FMN2: variants seen among roughly 807,000 people sequenced by gnomAD.
The protein encoded by FMN2 is formin 2.
In FMN2, 51 loss-of-function variants were observed where a neutral mutation model predicts 142.3. That is an observed-to-expected ratio of 0.36 (90% confidence interval 0.29 to 0.45). The LOEUF (loss-of-function observed/expected upper bound fraction) is 0.45. FMN2 is among the 20% of genes least tolerant of loss of function. The pLI, the probability that FMN2 is intolerant of heterozygous loss-of-function variation, is 1.00. For missense variants in FMN2, 1,936 were observed against 2,122.8 expected, an observed-to-expected ratio of 0.91 and a Z score of 1.73; for synonymous variants, 882 against 869.8, an observed-to-expected ratio of 1.01 and a Z score of -0.25.
intron 2 of FMN2, among the ~76,000 whole-genome samples, chr1:240,131,818 G>C (rs989006648): frequency 6.6e-6 from 1 of 152,182 alleles, no homozygotes; most frequent in Non-Finnish European, 1.5e-5. Flanking sequence ...AGAATGATGC[G>C]TAGAAAGGAG....
chr1:240,451,607 G>A (rs1676047949), intron 16 of FMN2, among the ~76,000 whole-genome samples: 1 of 152,008 alleles, frequency 6.6e-6, no homozygotes, highest in South Asian at 2.1e-4. Flanking sequence ...CCCCAACAGG[G>A]GCCTCATCCC....
chr1:240,143,199 A>G (rs891677818), intron 2 of FMN2: 9 of 1,591,272 alleles, frequency 5.7e-6, no homozygotes, highest in Non-Finnish European at 7.8e-6. Context: ...ACCACTGCCC[A>G]CCATGCCCAT....
intron 15 of FMN2, among the ~76,000 whole-genome samples, chr1:240,407,711 A>G (rs1674258843): frequency 6.6e-6 from 1 of 151,982 alleles, no homozygotes; most frequent in South Asian, 2.1e-4. Context: ...TTCAAACAGC[A>G]ATTTATTTCA....
chr1:240,335,659 C>G (rs116762749), intron 13 of FMN2, among the ~76,000 whole-genome samples: 1 of 152,286 alleles, frequency 6.6e-6, no homozygotes, highest in Non-Finnish European at 1.5e-5. Context: ...ACCCTATTAT[C>G]AGGATATCAG....
intron 14 of FMN2, among the ~76,000 whole-genome samples, chr1:240,378,902 T>A (rs1673136411): frequency 6.6e-6 from 1 of 152,216 alleles, no homozygotes; most frequent in African/African-American, 2.4e-5. Context: ...CGTATTAATA[T>A]CCTTATTTGC....
chr1:240,261,720 G>A (rs1274171856), intron 7 of FMN2, among the ~76,000 whole-genome samples: 1 of 152,152 alleles, frequency 6.6e-6, no homozygotes, highest in African/African-American at 2.4e-5. Flanking sequence ...AAGAGGTCAG[G>A]TTCCTAAGTT....
intron 15 of FMN2, among the ~76,000 whole-genome samples, chr1:240,406,113 G>C (rs944544319): frequency 1.0e-5 from 1 of 96,124 alleles, no homozygotes; most frequent in Non-Finnish European, 2.0e-5. Flanking sequence ...AGTGGGGGAA[G>C]CGAAGGGAAT....
intron 2 of FMN2, among the ~76,000 whole-genome samples, chr1:240,158,899 A>G (rs1664145689): frequency 6.6e-6 from 1 of 152,168 alleles, no homozygotes; most frequent in African/African-American, 2.4e-5. Context: ...TGTATTTATT[A>G]TTCTTTGGTA....
chr1:240,258,768 G>A (rs1480509879), intron 7 of FMN2, among the ~76,000 whole-genome samples: 1 of 152,162 alleles, frequency 6.6e-6, no homozygotes, highest in Non-Finnish European at 1.5e-5. Flanking sequence ...CTGCCCAAAG[G>A]TGAATAGAGT....
At chr1:240,160,508 A>G (rs1664234131) in intron 2 of FMN2, among the ~76,000 whole-genome samples, 1 of 149,744 alleles carries the variant, frequency 6.7e-6, no homozygotes, top group South Asian at 2.1e-4. Context: ...TATAATGTGT[A>G]TATATATAAT....
intron 2 of FMN2, among the ~76,000 whole-genome samples, chr1:240,123,927 T>C (rs1283271945): frequency 6.6e-6 from 1 of 152,238 alleles, no homozygotes; most frequent in African/African-American, 2.4e-5. Flanking sequence ...ACAGTATTTG[T>C]CCTGTTTGTG....
intron 16 of FMN2, among the ~76,000 whole-genome samples, chr1:240,455,932 G>A (rs1676225189): frequency 6.6e-6 from 1 of 151,922 alleles, no homozygotes; most frequent in African/African-American, 2.4e-5. Context: ...CCAAGATCAC[G>A]CCACTGCACT....
intron 6 of FMN2, among the ~76,000 whole-genome samples, chr1:240,213,444 C>T (rs1326604177): frequency 6.6e-6 from 1 of 152,130 alleles, no homozygotes; most frequent in African/African-American, 2.4e-5. Flanking sequence ...AAAATCACTA[C>T]AAAGTGATGG....
At position 240,151,482 on chromosome 1, in the gene FMN2, G is replaced by A. The variant is rs544590326; in HGVS notation, c.1783-26439G>A. Among the ~76,000 whole-genome samples the A allele has an allele frequency of 9.5e-4, 145 of 152,132 alleles. 2 individuals carry two copies. The South Asian group carries it at 0.013, about 14-fold the overall frequency. ...TGCTTGGTATGCGCTTTCCTGGGGC[G>A]AATTGTTCAAACCTCACCTTCAGCT... On this transcript the variant is annotated intron_variant, in intron 2 of 17. Transcript: ENST00000319653.
At chr1:240,371,492 AG>A (rs1447009418) in intron 14 of FMN2, among the ~76,000 whole-genome samples, 10 of 152,148 alleles carry the variant, frequency 6.6e-5, no homozygotes, top group Non-Finnish European at 1.5e-4. Flanking sequence ...TTTGAAGAAA[AG>A]TCAGCCAGAA....
intron 7 of FMN2, among the ~76,000 whole-genome samples, chr1:240,289,736 C>G (rs1374834689): frequency 6.6e-6 from 1 of 152,078 alleles, no homozygotes; most frequent in Non-Finnish European, 1.5e-5. Flanking sequence ...CTTAATCTGG[C>G]TATTCAAAAT....
chr1:240,122,668 G>A (rs937437586), intron 1 of FMN2, among the ~76,000 whole-genome samples: 7 of 152,122 alleles, frequency 4.6e-5, no homozygotes, highest in Middle Eastern at 3.2e-3. Flanking sequence ...AGTAGCTCTA[G>A]CTACTTGGGA....
intron 6 of FMN2, among the ~76,000 whole-genome samples, chr1:240,226,833 CA>C (rs1667322930): frequency 6.8e-6 from 1 of 147,290 alleles, no homozygotes; most frequent in African/African-American, 2.5e-5. Context: ...CACACACACA[CA>C]TACACACACA....
intron 2 of FMN2, chr1:240,170,426 G>T: frequency 1.6e-6 from 2 of 1,272,858 alleles, no homozygotes; most frequent in Non-Finnish European, 2.3e-6. Context: ...CTGAAGGCGG[G>T]TGATAACTGT....
Sources: allele counts gnomAD v4.1 joint callset (sites outside exome capture counted in the v4.1 genomes callset), GRCh38; gene constraint gnomAD v4.1.1; transcripts MANE v1.5; gene names NCBI Gene and HGNC (gene_info 2026-07-23, HGNC 2026-07-21).